Variants in GAREM2 observed in about 807,000 individuals in gnomAD.
GAREM2 encodes the protein GRB2-associated and regulator of MAPK protein 2.
A neutral mutation model predicts 55.6 loss-of-function variants in GAREM2; 30 were observed. The observed-to-expected ratio is 0.54, with a 90% CI of 0.40 to 0.73. GAREM2 has a LOEUF of 0.73. GAREM2 is among the 30% of genes least tolerant of loss of function. GAREM2 has a pLI of 0.00. For missense variants in GAREM2, 1,075 were observed against 1,257.7 expected, an observed-to-expected ratio of 0.85 and a Z score of 2.20; for synonymous variants, 550 against 569.1, an observed-to-expected ratio of 0.97 and a Z score of 0.48.
the GAREM2 span, chr2:26,195,061 A>C: frequency 6.3e-7 from 1 of 1,594,166 alleles, no homozygotes; most frequent in Non-Finnish European, 8.6e-7. Context: ...ACTTTTCAAA[A>C]ACTCTGCAGC....
At chr2:26,200,211 T>A in the GAREM2 span, among the ~76,000 whole-genome samples, 1 of 152,222 alleles carries the variant, frequency 6.6e-6, no homozygotes, top group African/African-American at 2.4e-5. Flanking sequence ...TGTAATGAGC[T>A]CACTGCTCAT....
Position 26,188,909 on chromosome 2 carries a change from A to G in GAREM2, c.*652A>G, listed in dbSNP as rs892035089. On this transcript the variant is annotated 3_prime_UTR_variant, in exon 6 of 6. Coordinates refer to ENST00000401533, the MANE Select transcript of GAREM2 (RefSeq NM_001168241.2). ...CTGGTTCATGGGTGACAACTTTGGA[A>G]GAGCACAGCTCTGCAATTGACCCGA... is the stretch of plus-strand genomic sequence containing the variant. 6.6e-6 allele frequency: 1 copy of G among 152,286 alleles called. No homozygotes were observed. The highest frequency in any genetic ancestry group is 1.5e-5 in the Non-Finnish European group (1 of 68,094). The allele number at this position is 152,286 out of a possible 1,614,324, so 9.4% of individuals were successfully genotyped here.
the GAREM2 span, among the ~76,000 whole-genome samples, chr2:26,194,908 T>G: frequency 6.6e-6 from 1 of 151,856 alleles, no homozygotes; most frequent in Non-Finnish European, 1.5e-5. Context: ...TCCTAGATAC[T>G]CCCCACTCCC....
chr2:26,176,276 G>T, intron 1 of GAREM2, 68 bp from the exon 2 acceptor site: 2 of 1,425,340 alleles, frequency 1.4e-6, no homozygotes, highest in Non-Finnish European at 9.3e-7. Context: ...GTCACTATCT[G>T]TTCTTTCTGC....
the GAREM2 span, among the ~76,000 whole-genome samples, chr2:26,198,575 A>G: frequency 6.6e-6 from 1 of 152,098 alleles, no homozygotes; most frequent in Non-Finnish European, 1.5e-5. Context: ...GATGAGAATC[A>G]AGGAGGAAGA....
downstream of GAREM2, chr2:26,191,155 C>T (rs12291): frequency 2.3e-6 from 3 of 1,310,518 alleles, no homozygotes; most frequent in South Asian, 1.2e-5. Flanking sequence ...TTTGTCTTCT[C>T]GTTACTCTGA....
At position 26,182,020 on chromosome 2, in the gene GAREM2, G is replaced by A. The variant is rs565781368; in HGVS notation, c.254-947G>A. The A allele has an allele frequency of 4.0e-5, 40 of 994,466 alleles. No homozygotes were observed. The South Asian group carries it at 1.2e-3, about 31-fold the overall frequency. 61.6% of individuals were successfully genotyped at this position (994,466 alleles called of 1,614,324 possible). A position where few individuals can be genotyped will look rare whatever the true frequency, so the allele number is the denominator to read the frequency against. On this transcript the variant is annotated intron_variant, in intron 2 of 5. Coordinates refer to ENST00000401533, the MANE Select transcript of GAREM2 (RefSeq NM_001168241.2). Reference sequence around the variant, plus strand: ...CTAAAGAGTCACCTTGTCTTCTCTCGACTTGTTCCCTCACCTATTCATGGC... The same window carrying A: ...CTAAAGAGTCACCTTGTCTTCTCTCAACTTGTTCCCTCACCTATTCATGGC...
chr2:26,193,622 C>T (rs1669575921), downstream of GAREM2: 1 of 1,613,930 alleles, frequency 6.2e-7, no homozygotes, highest in Non-Finnish European at 8.5e-7. Flanking sequence ...TCTGGGTTTC[C>T]ACCTCCAAAC....
chr2:26,174,974 C>T (rs1257412417), intron 1 of GAREM2, among the ~76,000 whole-genome samples: 4 of 152,048 alleles, frequency 2.6e-5, no homozygotes, highest in African/African-American at 9.7e-5. Flanking sequence ...CTTGGGCCCC[C>T]GGAGGTGAGG....
chr2:26,180,432 G>A (rs1297433321), intron 2 of GAREM2, among the ~76,000 whole-genome samples: 2 of 152,264 alleles, frequency 1.3e-5, no homozygotes, highest in South Asian at 2.1e-4. Context: ...CCTCACAGCC[G>A]AGGCTGCCAC....
At chr2:26,173,458 C>G (rs1668764588) in intron 1 of GAREM2, 126 bp downstream of exon 1, 4 of 447,164 alleles carry the variant, frequency 8.9e-6, no homozygotes, top group African/African-American at 2.1e-5. Context: ...GCGTGGGCCC[C>G]GAGCGGTTCC....
chr2:26,182,986 A>T lies in GAREM2; in HGVS notation c.273A>T (p.Glu91Asp). ...LQYPGKFKLL[E>D]QARDVREPVR... is the part of the protein sequence containing the mutation. The stretch of plus-strand genomic sequence containing the variant: ...ATGCAGGGAAGTTCAAGCTCCTGGA[A>T]CAGGCCCGGGATGTGCGGGAGCCAG... The change falls in exon 3 of 6, where the codon GAA becomes GAT. Residue 91 changes from glutamate (E) to aspartate (D), a missense_variant. By Grantham distance (45) the Glu-to-Asp change is conservative (BLOSUM62 2). This residue lies in a region of GAREM2 where 230 missense variants were observed against 310.6 expected (regional missense o/e 0.74). Transcript: ENST00000401533. 3 of 1,551,660 alleles carry T rather than the reference A, an allele frequency of 1.9e-6. No homozygotes were observed. The highest frequency in any genetic ancestry group is 1.7e-6 in the Non-Finnish European group (2 of 1,146,964).
rs1188955277 is a variant in GAREM2, at chr2:26,187,620, C to A, written c.1988C>A (p.Ala663Glu). Residue 663 changes from alanine to glutamate, a missense_variant, in exon 6 of 6, where the codon GCG (alanine) becomes GAG (glutamate). By Grantham distance (107) the Ala-to-Glu change is moderately radical. This residue lies in a region of GAREM2 where 515 missense variants were observed against 501.5 expected (regional missense o/e 1.03). Transcript: ENST00000401533. ...TSGPVATSGP[A>E]YSPGPASPGQ... The stretch of plus-strand genomic sequence containing the variant: ...GGTCCTGTGGCTACCTCTGGCCCTG[C>A]GTATTCCCCAGGCCCAGCCTCGCCA... 1.9e-6 allele frequency: 3 copies of A among 1,549,254 alleles called. No homozygotes were observed. In the Admixed American group the frequency reaches 5.9e-5, roughly 31 times the overall value.
chr2:26,182,632 T>C (rs1574590479), intron 2 of GAREM2: 1 of 871,782 alleles, frequency 1.1e-6, no homozygotes, highest in Non-Finnish European at 1.8e-6. Flanking sequence ...ACACTGATAG[T>C]TGATCAGAGG....
At chr2:26,185,742 C>T (rs1669230836) in intron 4 of GAREM2, among the ~76,000 whole-genome samples, 1 of 152,136 alleles carries the variant, frequency 6.6e-6, no homozygotes, top group Non-Finnish European at 1.5e-5. Context: ...TTTCTCCCTG[C>T]CCGTAACACC....
chr2:26,192,310 A>C (rs1669530550), downstream of GAREM2: 2 of 1,515,444 alleles, frequency 1.3e-6, no homozygotes, highest in African/African-American at 1.4e-5. Context: ...ACGGACTTAC[A>C]CTTCAGACTT....
the GAREM2 span, among the ~76,000 whole-genome samples, chr2:26,198,485 A>T: frequency 6.7e-6 from 1 of 148,998 alleles, no homozygotes; most frequent in Non-Finnish European, 1.5e-5. Flanking sequence ...TCATGTTTTT[A>T]TTCAGATGGT....
At chr2:26,181,976 C>G in intron 2 of GAREM2, 1 of 986,648 alleles carries the variant, frequency 1.0e-6, no homozygotes, top group Non-Finnish European at 1.2e-6. Context: ...GACCCTGTCT[C>G]AAAAAAAACA....
At chr2:26,178,511 T>G (rs980050986) in intron 2 of GAREM2, among the ~76,000 whole-genome samples, 3 of 152,078 alleles carry the variant, frequency 2.0e-5, no homozygotes, top group Non-Finnish European at 4.4e-5. Context: ...ATCCCTTTAG[T>G]CCAGGAGGTT....
Sources: gnomAD v4.1 joint callset for allele counts (sites outside exome capture counted in the v4.1 genomes callset) on GRCh38, gnomAD v4.1.1 for gene constraint, gnomAD v4.1.1 regional missense constraint, MANE v1.5 for transcripts, NCBI Gene and HGNC (gene_info 2026-07-23, HGNC 2026-07-21) for gene names.